Variants in PIEZO1 observed in about 807,000 individuals in gnomAD.
The protein encoded by PIEZO1 is piezo-type mechanosensitive ion channel component 1.
A neutral mutation model predicts 297.2 loss-of-function variants in PIEZO1; 296 were observed. That is an observed-to-expected ratio of 1.00 (90% confidence interval 0.91 to 1.10). The LOEUF (loss-of-function observed/expected upper bound fraction) is 1.10. Ranked by LOEUF, PIEZO1 falls within the 50% of genes least tolerant of loss-of-function variation. The pLI is 0.00. For missense variants in PIEZO1, 5,018 were observed against 3,455.5 expected (o/e 1.45, Z -11.34); for synonymous variants, 2,427 against 1,507.5 (o/e 1.61, Z -14.13).
At chr16:88,768,034 A>G (rs1907252532) in intron 1 of PIEZO1, among the ~76,000 whole-genome samples, 1 of 151,970 alleles carries the variant, frequency 6.6e-6, no homozygotes, top group African/African-American at 2.4e-5. Flanking sequence ...CGTGGACCAG[A>G]CCCCTTAAAG....
intron 22 of PIEZO1, among the ~76,000 whole-genome samples, chr16:88,729,802 T>C (rs1393872714): frequency 7.2e-6 from 1 of 139,600 alleles, no homozygotes; most frequent in East Asian, 2.3e-4. Context: ...CACAGCCCCA[T>C]CTGCCACAGA....
rs80033994 is a variant in PIEZO1, at chr16:88,784,147, C to A, written c.64+754G>T. Reference sequence around the variant, plus strand: ...GCTTCGCGAAAGGGGCACCACTGCCCGGCAAGCAGGGAACACAGATGCCAG... The same window carrying A: ...GCTTCGCGAAAGGGGCACCACTGCCAGGCAAGCAGGGAACACAGATGCCAG... On this transcript the variant is annotated intron_variant, in intron 1 of 50. Transcript: ENST00000301015. 7.7e-3 allele frequency among the ~76,000 whole-genome samples: 1,170 copies of A among 152,332 alleles called. 20 individuals are homozygous for A. The highest frequency in any genetic ancestry group is 0.027 in the African/African-American group (1,107 of 41,576).
rs754188492 is a variant in PIEZO1 at position 88,731,836 on chromosome 16, C to A, written c.3066G>T (p.Leu1022=). ...NFLVTLHGCW[L]VAILTRRHRQ... is the part of the protein sequence containing the mutation. ...GGTGCCTGCGGGTGAGGATGGCCAC[C>A]AGCCAGCAACCGTGCAGGGTCACCA... Residue 1022 remains leucine, a synonymous_variant, in exon 22 of 51, where the codon CTG becomes CTT. Transcript: ENST00000301015. 5.6e-6 allele frequency: 7 copies of A among 1,259,672 alleles called. No individual in the cohort carries two copies. Among genetic ancestry groups the A allele is most frequent in the Admixed American group, 3.1e-5 (1 of 31,812 alleles). 78.0% of individuals were successfully genotyped at this position (1,259,672 alleles called of 1,614,324 possible). A position where few individuals can be genotyped will look rare whatever the true frequency, so the allele number is the denominator to read the frequency against.
intron 5 of PIEZO1, chr16:88,739,606 G>A (rs918529925): frequency 3.9e-5 from 6 of 152,348 alleles, no homozygotes; most frequent in African/African-American, 7.2e-5. Flanking sequence ...ACAGCCTCTC[G>A]GAGCCTATTC....
intron 1 of PIEZO1, among the ~76,000 whole-genome samples, chr16:88,760,262 G>A (rs921610525): frequency 3.3e-5 from 5 of 152,194 alleles, no homozygotes; most frequent in Admixed American, 6.5e-5. Context: ...GATCCTGCAC[G>A]GTTCTCTGTC....
At chr16:88,719,047 G>A (rs184395088) in intron 44 of PIEZO1, 204 of 156,440 alleles carry the variant, frequency 1.3e-3, no homozygotes, top group African/African-American at 4.4e-3. Context: ...GCAGGGTCTC[G>A]CTTGTGGCCG....
intron 1 of PIEZO1, among the ~76,000 whole-genome samples, chr16:88,760,964 G>T (rs1261084320): frequency 6.6e-6 from 1 of 152,130 alleles, no homozygotes; most frequent in Non-Finnish European, 1.5e-5. Context: ...GGCTGCTGTG[G>T]GCTGGGCACC....
In PIEZO1 at chr16:88,732,152, C is replaced by G. The variant is rs1567670288; in HGVS notation, c.2991+183G>C. ...AGAGCAGATCTAACTTGGCCCCCTG[C>G]CTGTTGTCAGCACCGACACACCACA... is the stretch of plus-strand genomic sequence containing the variant. On this transcript the variant is annotated intron_variant, in intron 21 of 50. Transcript: ENST00000301015. Among the ~76,000 whole-genome samples the G allele has an allele frequency of 3.3e-5, 5 of 152,076 alleles. No homozygotes were observed. In the South Asian group the frequency reaches 1.0e-3, roughly 32 times the overall value.
chr16:88,763,315 T>C (rs1597481371), intron 1 of PIEZO1, among the ~76,000 whole-genome samples: 1 of 152,054 alleles, frequency 6.6e-6, no homozygotes, highest in South Asian at 2.1e-4. Context: ...AAGCTGGAGG[T>C]GAGCAGAACC....
chr16:88,732,976 G>T (rs1597456184), intron 19 of PIEZO1: 3 of 583,866 alleles, frequency 5.1e-6, no homozygotes, highest in Non-Finnish European at 9.1e-6. Context: ...GTGCGAGAAG[G>T]TCCCAGGCAG....
Position 88,722,761 on chromosome 16 carries a change from G to T in PIEZO1, c.4669-72C>A, listed in dbSNP as rs559945296. On this transcript the variant is annotated intron_variant, in intron 34 of 50. Transcript: ENST00000301015. ...CCACACGGGGTTTCGTGCAGTGGGC[G>T]CGGGACTAGGCTGTTAAGCAGGCAG... The T allele has an allele frequency of 1.2e-5, 19 of 1,525,396 alleles. No individual in the cohort carries two copies. In the East Asian group the frequency reaches 4.7e-4, roughly 37 times the overall value. 94.5% of individuals were successfully genotyped at this position (1,525,396 alleles called of 1,614,324 possible).
In PIEZO1 at chr16:88,720,640, CGCCGCCCG is replaced by C; in HGVS notation, c.5769_5776del (p.Gly1924AlafsTer42). 3 of 1,547,036 alleles carry C rather than the reference CGCCGCCCG, an allele frequency of 1.9e-6. No individual in the cohort carries two copies. The highest frequency in any genetic ancestry group is 2.6e-6 in the Non-Finnish European group (3 of 1,145,782). On this transcript the variant is annotated frameshift_variant, in exon 40 of 51. Coordinates refer to ENST00000301015, the MANE Select transcript of PIEZO1 (RefSeq NM_001142864.4). LOFTEE classifies it high-confidence loss of function. ...CAGGGACAGGCAGAAGCCCTGCAGC[CGCCGCCCG>C]GCCGCCCTTACTCTTCCTCCAGAGC... is the stretch of plus-strand genomic sequence containing the variant.
At position 88,736,716 on chromosome 16, in the gene PIEZO1, T is replaced by C. The variant is rs13333358; in HGVS notation, c.1219A>G (p.Arg407Gly). The part of the protein sequence containing the change: ...RPVRPKRAEP[R>G]EASPLHSLGH... ...AGGCTGTGGAGCGGAGACGCCTCCC[T>C]GGGCTCAGCCCGCTTGGGCCGCACT... Residue 407 changes from arginine to glycine, a missense_variant, in exon 11 of 51, where the codon AGG becomes GGG. Coordinates refer to ENST00000301015, the MANE Select transcript of PIEZO1 (RefSeq NM_001142864.4). 0.33 allele frequency: 498,598 copies of C among 1,530,484 alleles called. 86,233 individuals are homozygous for C. Among genetic ancestry groups the C allele is most frequent in the East Asian group, 0.68 (27,747 of 40,684 alleles). 94.8% of individuals were successfully genotyped at this position (1,530,484 alleles called of 1,614,324 possible).
chr16:88,763,281 T>G lies in PIEZO1; in HGVS notation c.65-13802A>C, dbSNP rs530928438. 1.8e-4 allele frequency among the ~76,000 whole-genome samples: 28 copies of G among 152,254 alleles called. No individual in the cohort carries two copies. In the East Asian group the frequency reaches 4.8e-3, roughly 26 times the overall value. The stretch of plus-strand genomic sequence containing the variant: ...GGTCTCAGCCTGTGAGCAGCTCCTG[T>G]GTGAACAGGGCGGCCCAAGGCAGAA... On this transcript the variant is annotated intron_variant, in intron 1 of 50. Coordinates refer to ENST00000301015, the MANE Select transcript of PIEZO1 (RefSeq NM_001142864.4).
At chr16:88,728,326 C>G (rs954737498) in intron 22 of PIEZO1, among the ~76,000 whole-genome samples, 5 of 152,264 alleles carry the variant, frequency 3.3e-5, no homozygotes, top group African/African-American at 1.2e-4. Context: ...ATGGATGTGA[C>G]TCCACGCATC....
At chr16:88,744,949 GCA>G (rs1905947395) in intron 2 of PIEZO1, 1 of 152,132 alleles carries the variant, frequency 6.6e-6, no homozygotes, top group Admixed American at 6.5e-5. Context: ...GCGGGGAGGT[GCA>G]CACAGAGGCC....
In PIEZO1 at chr16:88,770,880, G is replaced by A. The variant is rs571640515; in HGVS notation, c.64+14021C>T. On this transcript the variant is annotated intron_variant, in intron 1 of 50. Transcript: ENST00000301015. ...CCTGGGAGGCCAGTGAGGTGCCCTG[G>A]GGGCTTGGGCGAGGAGCTCTAACTA... Among the ~76,000 whole-genome samples, 8 of 152,370 alleles carry A rather than the reference G, an allele frequency of 5.3e-5. No individual in the cohort carries two copies. In the East Asian group the frequency reaches 1.5e-3, roughly 29 times the overall value.
At chr16:88,719,224 T>C in intron 44 of PIEZO1, 1 of 274,040 alleles carries the variant, frequency 3.6e-6, no homozygotes, top group Non-Finnish European at 7.1e-6. Context: ...GTTGTACTTT[T>C]TACGTGGGGG....
intron 1 of PIEZO1, among the ~76,000 whole-genome samples, chr16:88,750,873 C>T (rs1434151931): frequency 6.6e-6 from 1 of 151,968 alleles, no homozygotes; most frequent in Non-Finnish European, 1.5e-5. Flanking sequence ...CCACCCTCCA[C>T]CCACCCTCCA....
Sources: gnomAD v4.1 joint callset for allele counts (sites outside exome capture counted in the v4.1 genomes callset) on GRCh38, gnomAD v4.1.1 for gene constraint, MANE v1.5 for transcripts, NCBI Gene and HGNC (gene_info 2026-07-23, HGNC 2026-07-21) for gene names.